The following CLIC5 variants were observed in gnomAD, a reference collection of about 807,000 sequenced individuals.
The protein encoded by CLIC5 is CLIC family member 5, also known as chloride intracellular channel protein 5.
A neutral mutation model predicts 24.7 loss-of-function variants in CLIC5; 20 were observed. The ratio of observed to expected loss-of-function variants is 0.81; its 90% CI spans 0.57 to 1.18. CLIC5 has a LOEUF of 1.18. Ranked by LOEUF, CLIC5 falls within the 50% of genes most tolerant of loss-of-function variation. The pLI is 0.00. For missense variants in CLIC5, 341 were observed against 326.1 expected, an observed-to-expected ratio of 1.05 and a Z score of -0.35; for synonymous variants, 159 against 135.6, an observed-to-expected ratio of 1.17 and a Z score of -1.20.
intron 3 of CLIC5, among the ~76,000 whole-genome samples, chr6:45,944,287 A>G (rs1229180822): frequency 2.0e-5 from 3 of 152,152 alleles, no homozygotes; most frequent in East Asian, 1.9e-4. Flanking sequence ...CAGTGTTCAT[A>G]AGTAAAATAT....
chr6:46,120,600 G>C, the CLIC5 span, among the ~76,000 whole-genome samples: 136 of 152,356 alleles, frequency 8.9e-4, no homozygotes, highest in African/African-American at 2.9e-3. Flanking sequence ...TTGACAAGTT[G>C]AGAGAAGAAG....
At chr6:45,885,555 A>G (rs1561910410) in intron 6 of CLIC5, among the ~76,000 whole-genome samples, 1 of 152,214 alleles carries the variant, frequency 6.6e-6, no homozygotes, top group Non-Finnish European at 1.5e-5. Flanking sequence ...CCTCCCCTGA[A>G]TAGTGAAAAT....
At position 45,989,557 on chromosome 6, in the gene CLIC5, A is replaced by G. The variant is rs3777604; in HGVS notation, c.63+25923T>C. ...CTGCCCTTACAACATCGTACTCATGACGTTAATAAGCACGTAAGTCAGGTA... is the reference window on the plus strand; with the variant it reads ...CTGCCCTTACAACATCGTACTCATGGCGTTAATAAGCACGTAAGTCAGGTA... On this transcript the variant is annotated intron_variant, in intron 1 of 5. Transcript: ENST00000339561. 6.1e-4 allele frequency among the ~76,000 whole-genome samples: 93 copies of G among 152,326 alleles called. 2 individuals carry two copies. In the East Asian group the frequency reaches 0.016, roughly 26 times the overall value.
chr6:45,923,964 G>T (rs887979107), intron 4 of CLIC5, among the ~76,000 whole-genome samples: 3 of 152,122 alleles, frequency 2.0e-5, no homozygotes, highest in Non-Finnish European at 4.4e-5. Flanking sequence ...ACCTTAGAGG[G>T]TTGCTGGGAG....
chr6:45,942,345 C>T (rs567737160), intron 3 of CLIC5, among the ~76,000 whole-genome samples: 52 of 152,214 alleles, frequency 3.4e-4, no homozygotes, highest in African/African-American at 1.2e-3. Flanking sequence ...TTTGAAGCCA[C>T]AATAATACAA....
chr6:45,998,829 C>T (rs144830300), intron 1 of CLIC5, among the ~76,000 whole-genome samples: 14 of 152,310 alleles, frequency 9.2e-5, no homozygotes, highest in African/African-American at 2.2e-4. Flanking sequence ...CCTAGGTCAG[C>T]GATCAGCTCA....
At chr6:46,124,665 G>T in the CLIC5 span, among the ~76,000 whole-genome samples, 5 of 152,166 alleles carry the variant, frequency 3.3e-5, no homozygotes, top group Admixed American at 6.5e-5. Context: ...GAAAATTTTT[G>T]CAATCTACTC....
chr6:45,920,668 A>C (rs945085839), intron 4 of CLIC5: 5 of 980,148 alleles, frequency 5.1e-6, no homozygotes, highest in Non-Finnish European at 6.1e-6. Context: ...TTGGAAGAAG[A>C]AGCCTTTCTT....
chr6:45,997,747 G>A (rs1766203920), intron 1 of CLIC5, among the ~76,000 whole-genome samples: 1 of 152,222 alleles, frequency 6.6e-6, no homozygotes, highest in African/African-American at 2.4e-5. Context: ...CCAGATCATG[G>A]CATTTGAGAC....
chr6:45,966,243 A>C (rs1765011524), intron 1 of CLIC5, among the ~76,000 whole-genome samples: 1 of 152,204 alleles, frequency 6.6e-6, no homozygotes, highest in Non-Finnish European at 1.5e-5. Context: ...CTTATGAAAA[A>C]AGTTTTTGCA....
chr6:46,003,419 G>A (rs1766430410), intron 1 of CLIC5, among the ~76,000 whole-genome samples: 1 of 152,058 alleles, frequency 6.6e-6, no homozygotes, highest in Non-Finnish European at 1.5e-5. Flanking sequence ...AAATACCTTT[G>A]CAAAAACAAC....
chr6:46,035,106 G>A (rs1767624623), intron 1 of CLIC5, among the ~76,000 whole-genome samples: 1 of 152,116 alleles, frequency 6.6e-6, no homozygotes, highest in South Asian at 2.1e-4. Flanking sequence ...AACTAGGATA[G>A]GTGATATTGC....
In CLIC5 at chr6:46,015,279, G is replaced by C. The variant is rs527828080; in HGVS notation, c.63+201C>G. ...CTGCGGATCAACTCTCCGAGAAGAC[G>C]GCCACCTGCCGGAACCTGCCTTCCT... On this transcript the variant is annotated intron_variant, in intron 1 of 5. Transcript: ENST00000339561. Among the ~76,000 whole-genome samples, 4 of 152,276 alleles carry C rather than the reference G, an allele frequency of 2.6e-5. No homozygotes were observed. In the South Asian group the frequency reaches 8.3e-4, roughly 32 times the overall value.
intron 1 of CLIC5, among the ~76,000 whole-genome samples, chr6:45,965,443 C>A (rs1764985746): frequency 6.6e-6 from 1 of 152,170 alleles, no homozygotes; most frequent in African/African-American, 2.4e-5. Context: ...TGGAAGTTTT[C>A]TATTGAAGTT....
At chr6:46,075,947 C>T (rs759209984) in intron 1 of CLIC5, among the ~76,000 whole-genome samples, 3 of 152,158 alleles carry the variant, frequency 2.0e-5, no homozygotes, top group Non-Finnish European at 4.4e-5. Flanking sequence ...AATGCTTGGG[C>T]TTTCCCTTCA....
In CLIC5 at chr6:45,949,384, G is replaced by A. The variant is rs1394959096; in HGVS notation, c.174-3C>T. On this transcript the variant is annotated splice_polypyrimidine_tract_variant and splice_region_variant and intron_variant, in intron 2 of 5. Transcript: ENST00000339561. ...GGTTGTGCAGGTCAGCTGGCTTTCT[G>A]TAGAGAGAGCAAGATTCAGGTGTTG... 1.9e-6 allele frequency: 3 copies of A among 1,612,262 alleles called. No individual in the cohort carries two copies. The highest frequency in any genetic ancestry group is 2.2e-5 in the East Asian group (1 of 44,834).
chr6:45,913,878 A>T, intron 5 of CLIC5: 1 of 1,117,716 alleles, frequency 8.9e-7, no homozygotes, highest in Non-Finnish European at 1.1e-6. Flanking sequence ...TAGCCAGGGA[A>T]ATCCTATGAG....
chr6:46,042,508 G>A (rs1421926700), intron 1 of CLIC5, among the ~76,000 whole-genome samples: 1 of 152,012 alleles, frequency 6.6e-6, no homozygotes, highest in Non-Finnish European at 1.5e-5. Flanking sequence ...GGCCACTCGG[G>A]GTGTTTAGCC....
chr6:45,912,782 T>A (rs1561925915), intron 5 of CLIC5: 5 of 1,327,982 alleles, frequency 3.8e-6, no homozygotes, highest in Non-Finnish European at 5.2e-6. Flanking sequence ...GGGCATGCAG[T>A]AGTTAATAAC....
Sources: allele counts gnomAD v4.1 joint callset (sites outside exome capture counted in the v4.1 genomes callset), GRCh38; gene constraint gnomAD v4.1.1; transcripts MANE v1.5; gene names NCBI Gene and HGNC (gene_info 2026-07-23, HGNC 2026-07-21).